Variants in PTPRM observed in about 807,000 individuals in gnomAD.
The protein encoded by PTPRM is receptor-type tyrosine-protein phosphatase mu.
A neutral mutation model predicts 186.7 loss-of-function variants in PTPRM; 47 were observed. The ratio of observed to expected loss-of-function variants is 0.25; its 90% CI spans 0.20 to 0.32. The LOEUF (loss-of-function observed/expected upper bound fraction) is 0.32, where lower values mean the gene tolerates loss of function less well. Among genes scored for constraint, PTPRM ranks in the 10% least tolerant of loss-of-function variants. The pLI is 1.00. For missense variants in PTPRM, 1,494 were observed against 1,865.0 expected (o/e 0.80, Z 3.66); for synonymous variants, 668 against 674.9 (o/e 0.99, Z 0.16).
intron 19 of PTPRM, among the ~76,000 whole-genome samples, chr18:8,280,981 C>A (rs1432166406): frequency 6.6e-6 from 1 of 152,138 alleles, no homozygotes; most frequent in Admixed American, 6.6e-5. Context: ...TATTAATACC[C>A]ATGATAGACT....
rs989534964 is a variant in PTPRM at position 7,976,672 on chromosome 18, G to A, written c.1132+21258G>A. On this transcript the variant is annotated intron_variant, in intron 7 of 32. Transcript: ENST00000580170. ...ATGGAATGAGCCATCCCTGAGCCAC[G>A]AACTGTGGAAGACTAAATCACTGAA... Among the ~76,000 whole-genome samples, 7 of 152,102 alleles carry A rather than the reference G, an allele frequency of 4.6e-5. No individual in the cohort carries two copies. In the South Asian group the frequency reaches 6.2e-4, roughly 14 times the overall value.
intron 1 of PTPRM, among the ~76,000 whole-genome samples, chr18:7,773,481 T>A (rs1231008964): frequency 6.6e-6 from 1 of 152,088 alleles, no homozygotes; most frequent in Non-Finnish European, 1.5e-5. Flanking sequence ...AAATTTTTAA[T>A]GCAAGAGCAA....
In PTPRM at chr18:7,735,113, A is replaced by G. The variant is rs576303672; in HGVS notation, c.74-39036A>G. Among the ~76,000 whole-genome samples, 4 of 152,286 alleles carry G rather than the reference A, an allele frequency of 2.6e-5. No individual in the cohort carries two copies. In the East Asian group the frequency reaches 7.7e-4, roughly 29 times the overall value. ...TGGAGTTTAGATACAACTGACCAGCATTAACATTAAAACAGAGATCTGGCT... is the reference window on the plus strand; with the variant it reads ...TGGAGTTTAGATACAACTGACCAGCGTTAACATTAAAACAGAGATCTGGCT... On this transcript the variant is annotated intron_variant, in intron 1 of 32. Transcript: ENST00000580170.
intron 1 of PTPRM, among the ~76,000 whole-genome samples, chr18:7,608,785 A>G (rs2037600404): frequency 6.6e-6 from 1 of 152,208 alleles, no homozygotes; most frequent in Non-Finnish European, 1.5e-5. Flanking sequence ...CTGGAGAATT[A>G]GAATAGTATT....
chr18:7,661,139 T>G (rs2038971636), intron 1 of PTPRM, among the ~76,000 whole-genome samples: 1 of 152,154 alleles, frequency 6.6e-6, no homozygotes, highest in Non-Finnish European at 1.5e-5. Flanking sequence ...AAGCAAAAGA[T>G]CTGTTCAATT....
At chr18:8,248,403 A>G (rs960623617) in intron 17 of PTPRM, 15 of 607,586 alleles carry the variant, frequency 2.5e-5, no homozygotes, top group African/African-American at 2.4e-4. Flanking sequence ...GATGATACCA[A>G]CAGGTTCAAA....
intron 29 of PTPRM, among the ~76,000 whole-genome samples, chr18:8,383,406 G>A (rs113155546): frequency 6.7e-6 from 1 of 148,328 alleles, no homozygotes; most frequent in Admixed American, 6.8e-5. Context: ...TTAAATGCCT[G>A]TTAAGGTTTC....
At chr18:8,326,317 C>T (rs9949212) in intron 22 of PTPRM, among the ~76,000 whole-genome samples, 31,230 of 152,208 alleles carry the variant, frequency 0.21, 3,441 homozygotes, top group Middle Eastern at 0.26. Flanking sequence ...ATTCCATGCT[C>T]ATGGATAGGA....
intron 1 of PTPRM, among the ~76,000 whole-genome samples, chr18:7,594,470 ACT>A (rs2037204426): frequency 6.6e-6 from 1 of 151,926 alleles, no homozygotes; most frequent in African/African-American, 2.4e-5. Context: ...ACAGAACGAG[ACT>A]CTGTCTCAAA....
chr18:7,584,456 A>C (rs554031976), intron 1 of PTPRM, among the ~76,000 whole-genome samples: 3 of 152,300 alleles, frequency 2.0e-5, no homozygotes, highest in East Asian at 3.9e-4. Context: ...ATTTGGGTCA[A>C]ATCTCTTCAT....
intron 5 of PTPRM, among the ~76,000 whole-genome samples, chr18:7,932,655 C>T (rs2051558765): frequency 6.6e-6 from 1 of 152,002 alleles, no homozygotes; most frequent in South Asian, 2.1e-4. Context: ...ACCTGATAGT[C>T]TCAGATTTAC....
chr18:7,974,554 C>T (rs2054803991), intron 7 of PTPRM, among the ~76,000 whole-genome samples: 1 of 152,148 alleles, frequency 6.6e-6, no homozygotes, highest in Non-Finnish European at 1.5e-5. Flanking sequence ...TTTATTAACT[C>T]GCATTAATGG....
At position 8,231,975 on chromosome 18, in the gene PTPRM, A is replaced by G. The variant is rs548184777; in HGVS notation, c.2301-12083A>G. 7.2e-5 allele frequency among the ~76,000 whole-genome samples: 11 copies of G among 152,310 alleles called. No homozygotes were observed. In the South Asian group the frequency reaches 1.7e-3, roughly 23 times the overall value. Reference sequence around the variant, plus strand: ...AGGGTTCATTCTTCATAATGCACCTACTATGGGTTTGACAACTCTATAATG... The same window carrying G: ...AGGGTTCATTCTTCATAATGCACCTGCTATGGGTTTGACAACTCTATAATG... On this transcript the variant is annotated intron_variant, in intron 14 of 32. Coordinates refer to ENST00000580170, the MANE Select transcript of PTPRM (RefSeq NM_001105244.2).
At chr18:7,801,696 C>G (rs2043979180) in intron 2 of PTPRM, among the ~76,000 whole-genome samples, 1 of 152,202 alleles carries the variant, frequency 6.6e-6, no homozygotes, top group Non-Finnish European at 1.5e-5. Context: ...GCTTTTTACA[C>G]TAGCAGCAAC....
At chr18:8,311,215 A>T (rs2095265683) in intron 20 of PTPRM, among the ~76,000 whole-genome samples, 1 of 152,076 alleles carries the variant, frequency 6.6e-6, no homozygotes, top group South Asian at 2.1e-4. Context: ...AGGCTGAGGC[A>T]GGAGAATCAC....
intron 19 of PTPRM, among the ~76,000 whole-genome samples, chr18:8,295,615 T>A (rs2095088630): frequency 6.6e-6 from 1 of 152,170 alleles, no homozygotes; most frequent in African/African-American, 2.4e-5. Context: ...CTTTACTGAA[T>A]CCTGTTCACT....
intron 1 of PTPRM, among the ~76,000 whole-genome samples, chr18:7,608,695 T>G (rs1463357955): frequency 1.3e-5 from 2 of 152,164 alleles, no homozygotes; most frequent in Admixed American, 1.3e-4. Flanking sequence ...CTCCCATTCT[T>G]GCGTCCCATT....
intron 2 of PTPRM, among the ~76,000 whole-genome samples, chr18:7,828,639 A>C (rs1459148514): frequency 6.6e-6 from 1 of 152,278 alleles, no homozygotes; most frequent in Non-Finnish European, 1.5e-5. Context: ...TGTGCTGTGC[A>C]GTACATCTGT....
intron 2 of PTPRM, among the ~76,000 whole-genome samples, chr18:7,843,034 A>G (rs920249157): frequency 6.6e-6 from 1 of 150,838 alleles, no homozygotes; most frequent in African/African-American, 2.4e-5. Context: ...TGTTTCTCAT[A>G]TATCTACTAT....
Sources: gnomAD v4.1 joint callset for allele counts (sites outside exome capture counted in the v4.1 genomes callset) on GRCh38, gnomAD v4.1.1 for gene constraint, MANE v1.5 for transcripts, NCBI Gene and HGNC (gene_info 2026-07-23, HGNC 2026-07-21) for gene names.